GFRA2: variants seen among roughly 807,000 people sequenced by gnomAD.
GFRA2 encodes the protein GDNF family receptor alpha 2.
In GFRA2, 17 loss-of-function variants were observed where a neutral mutation model predicts 48.3. The observed-to-expected ratio is 0.35, with a 90% CI of 0.24 to 0.53. The LOEUF (loss-of-function observed/expected upper bound fraction) is 0.53. Among genes scored for constraint, GFRA2 ranks in the 20% least tolerant of loss-of-function variants. The pLI is 0.93. For missense variants in GFRA2, 660 were observed against 637.3 expected, an observed-to-expected ratio of 1.04 and a Z score of -0.38; for synonymous variants, 305 against 257.2, an observed-to-expected ratio of 1.19 and a Z score of -1.78.
chr8:21,811,427 G>A (rs891535543), intron 1 of GFRA2, among the ~76,000 whole-genome samples: 8 of 152,260 alleles, frequency 5.3e-5, no homozygotes, highest in African/African-American at 1.9e-4. Context: ...TGGATCAGAG[G>A]CCTTTTAAAT....
intron 6 of GFRA2, 51 bp from the exon 7 acceptor site, chr8:21,703,028 A>G (rs1304679378): frequency 4.2e-6 from 5 of 1,196,562 alleles, no homozygotes; most frequent in East Asian, 2.8e-5. Flanking sequence ...CACGTCCGTC[A>G]CTCCTGTCCC....
At chr8:21,801,203 A>G (rs1003186961) in intron 2 of GFRA2, among the ~76,000 whole-genome samples, 1 of 152,084 alleles carries the variant, frequency 6.6e-6, no homozygotes, top group African/African-American at 2.4e-5. Flanking sequence ...TGCTCCATCC[A>G]TCACACCCCT....
chr8:21,793,373 G>A (rs1327086278), upstream of GFRA2, among the ~76,000 whole-genome samples: 30 of 152,176 alleles, frequency 2.0e-4, no homozygotes, highest in Admixed American at 2.0e-3. Flanking sequence ...GGGAGTGGCA[G>A]TGGGCGTGGA....
At chr8:21,789,065 T>G (rs936176412), upstream of GFRA2, 1 of 156,196 alleles carries the variant, frequency 6.4e-6, no homozygotes, top group Admixed American at 6.6e-5. Flanking sequence ...GCGGCGGAGC[T>G]ACGATGCTCT....
upstream of GFRA2, chr8:21,789,143 C>A: frequency 5.9e-6 from 1 of 169,310 alleles, no homozygotes; most frequent in Non-Finnish European, 1.2e-5. Flanking sequence ...CGCCGGGGAT[C>A]GCGGGCCGAG....
At chr8:21,739,769 C>A (rs1382680575) in intron 4 of GFRA2, among the ~76,000 whole-genome samples, 1 of 152,220 alleles carries the variant, frequency 6.6e-6, no homozygotes, top group Non-Finnish European at 1.5e-5. Context: ...CCAGGGGCAC[C>A]TCTCCAACAG....
chr8:21,765,773 C>T (rs558319930), intron 3 of GFRA2, among the ~76,000 whole-genome samples: 1 of 119,680 alleles, frequency 8.4e-6, no homozygotes, highest in Admixed American at 8.7e-5. Flanking sequence ...ACTTCCCAAT[C>T]TGTTCCTCCT....
chr8:21,733,706 A>T (rs187235553), intron 4 of GFRA2, among the ~76,000 whole-genome samples: 55 of 152,334 alleles, frequency 3.6e-4, no homozygotes, highest in African/African-American at 1.3e-3. Flanking sequence ...CTATAATGGA[A>T]AACTGATGGC....
At chr8:21,714,514 G>A (rs1467623203) in intron 4 of GFRA2, among the ~76,000 whole-genome samples, 1 of 152,020 alleles carries the variant, frequency 6.6e-6, no homozygotes, top group African/African-American at 2.4e-5. Context: ...GCCTCCCAAA[G>A]TGCTAGAATT....
At chr8:21,708,085 TCTGGCAGG>T (rs1802838684) in intron 4 of GFRA2, among the ~76,000 whole-genome samples, 4 of 152,172 alleles carry the variant, frequency 2.6e-5, no homozygotes, top group Admixed American at 2.6e-4. Context: ...GGGCACCATT[TCTGGCAGG>T]CCCCAGTGCT....
At chr8:21,758,256 T>G (rs962867223) in intron 3 of GFRA2, among the ~76,000 whole-genome samples, 1 of 151,924 alleles carries the variant, frequency 6.6e-6, no homozygotes, top group African/African-American at 2.4e-5. Context: ...TTAGCAAGCC[T>G]GCCCTTCACA....
Position 21,693,266 on chromosome 8 carries a change from G to A in GFRA2, c.*12C>T, listed in dbSNP as rs200715974. Reference sequence around the variant, plus strand: ...GTAGCTTTCAAAAATATTCTGACTCGGTTCCCACAGCCTACAAGGCCAGTT... The same window carrying A: ...GTAGCTTTCAAAAATATTCTGACTCAGTTCCCACAGCCTACAAGGCCAGTT... On this transcript the variant is annotated 3_prime_UTR_variant, in exon 9 of 9. Transcript: ENST00000524240. 221 of 1,601,576 alleles carry A rather than the reference G, an allele frequency of 1.4e-4. No homozygotes were observed. In the African/African-American group the frequency reaches 1.9e-3, roughly 14 times the overall value.
chr8:21,742,631 G>A (rs1251982440), intron 4 of GFRA2, among the ~76,000 whole-genome samples: 2 of 152,230 alleles, frequency 1.3e-5, no homozygotes, highest in East Asian at 1.9e-4. Flanking sequence ...TGCAAGACCA[G>A]GGTGGCTGAA....
chr8:21,762,819 G>A (rs959611427), intron 3 of GFRA2, among the ~76,000 whole-genome samples: 1 of 151,990 alleles, frequency 6.6e-6, no homozygotes, highest in African/African-American at 2.4e-5. Flanking sequence ...GGTATTTGGG[G>A]GGTTTTTTAA....
At chr8:21,783,628 C>T (rs1403246631) in intron 1 of GFRA2, among the ~76,000 whole-genome samples, 2 of 151,702 alleles carry the variant, frequency 1.3e-5, no homozygotes, top group Non-Finnish European at 2.9e-5. Flanking sequence ...CTACCCCTTT[C>T]CCCCCTCACC....
At chr8:21,738,087 TA>T (rs1389905977) in intron 4 of GFRA2, among the ~76,000 whole-genome samples, 1 of 151,680 alleles carries the variant, frequency 6.6e-6, no homozygotes, top group African/African-American at 2.4e-5. Context: ...GGCTTTCAAA[TA>T]AGTCTGAAAC....
intron 1 of GFRA2, among the ~76,000 whole-genome samples, chr8:21,806,413 C>A (rs558670465): frequency 6.6e-6 from 1 of 152,130 alleles, no homozygotes; most frequent in East Asian, 1.9e-4. Context: ...TAAGTGTTCT[C>A]GGCACATTTA....
chr8:21,728,944 T>A (rs1273993956), intron 4 of GFRA2, among the ~76,000 whole-genome samples: 13 of 152,190 alleles, frequency 8.5e-5, no homozygotes, highest in Admixed American at 6.5e-4. Context: ...AGCCTTGCTG[T>A]CTGGGGTCTG....
chr8:21,711,617 A>G (rs1803029583), intron 4 of GFRA2, among the ~76,000 whole-genome samples: 1 of 152,172 alleles, frequency 6.6e-6, no homozygotes, highest in African/African-American at 2.4e-5. Context: ...AATTTCAGAC[A>G]ATGAATATCT....
Sources: gnomAD v4.1 joint callset for allele counts (sites outside exome capture counted in the v4.1 genomes callset) on GRCh38, gnomAD v4.1.1 for gene constraint, MANE v1.5 for transcripts, NCBI Gene and HGNC (gene_info 2026-07-23, HGNC 2026-07-21) for gene names.